KIR2DL3: variants seen among roughly 807,000 people sequenced by gnomAD.
KIR2DL3 encodes killer cell immunoglobulin-like receptor 2DL3.
Under a neutral mutation model 33.8 loss-of-function variants are expected in KIR2DL3, and 39 were observed. The ratio of observed to expected loss-of-function variants is 1.15; its 90% CI spans 0.89 to 1.51. The LOEUF (loss-of-function observed/expected upper bound fraction) is 1.51. KIR2DL3 is among the 40% of genes most tolerant of loss of function. KIR2DL3 has a pLI of 0.00. For missense variants in KIR2DL3, 462 were observed against 426.2 expected (o/e 1.08, Z -0.74); for synonymous variants, 174 against 160.2 (o/e 1.09, Z -0.65).
intron 3 of KIR2DL3, 139 bp from the exon 4 acceptor site, chr19:54,743,655 GA>G (rs1427304120): frequency 5.1e-6 from 5 of 982,856 alleles, no homozygotes; most frequent in Non-Finnish European, 7.3e-6. Context: ...AAATAGACAT[GA>G]AGAGAGATGG....
chr19:54,742,001 T>A lies in KIR2DL3; in HGVS notation c.92T>A (p.Leu31His), dbSNP rs746021602. The change falls in exon 3 of 8, where the codon CTC becomes CAC. Residue 31 changes from leucine to histidine, a missense_variant. Transcript: ENST00000342376. ...CTAGGAGTCCACAGAAAACCTTCCC[T>A]CCTGGCCCACCCAGGTCCCCTGGTG... ...PHEGVHRKPS[L>H]LAHPGPLVKS... The A allele has an allele frequency of 6.2e-7, 1 of 1,611,182 alleles. No homozygotes were observed. The highest frequency in any genetic ancestry group is 1.7e-5 in the Admixed American group (1 of 59,928).
chr19:54,744,944 ATATATATATATTTTTTTT>A (rs2072154781), intron 4 of KIR2DL3, among the ~76,000 whole-genome samples: 4 of 26,824 alleles, frequency 1.5e-4, no homozygotes, highest in South Asian at 1.4e-3. Context: ...ATATATATAT[ATATATATATATTTTTTTT>A]TTTTTTTTTT....
Position 54,746,783 on chromosome 19 carries a change from G to T in KIR2DL3, c.665-552G>T, listed in dbSNP as rs1310933903. Among the ~76,000 whole-genome samples the T allele has an allele frequency of 2.0e-5, 3 of 150,180 alleles. No homozygotes were observed. The East Asian group carries it at 5.8e-4, about 29-fold the overall frequency. On this transcript the variant is annotated intron_variant, in intron 4 of 7. Transcript: ENST00000342376. ...GGATCACCTGAGGCCAGGAGTTCAA[G>T]ATTAGTCTGGCCGACGTGATGAAAC...
chr19:54,744,954 A>ATATATT (rs1398407460), intron 4 of KIR2DL3, among the ~76,000 whole-genome samples: 22 of 31,256 alleles, frequency 7.0e-4, no homozygotes, highest in Non-Finnish European at 6.6e-4. Context: ...ATATATATAT[A>ATATATT]TTTTTTTTTT....
chr19:54,741,854 G>A (rs2071185104), intron 2 of KIR2DL3, 126 bp from the exon 3 acceptor site: 2 of 1,272,304 alleles, frequency 1.6e-6, no homozygotes, highest in Non-Finnish European at 2.2e-6. Flanking sequence ...GCACAGAAAA[G>A]AACATGAAGA....
rs141679961 is a variant in KIR2DL3 at position 54,750,202 on chromosome 19, A to G, written c.716-1447A>G. ...ATCCCCCACCTCACCCCTACTTCCA[A>G]TCACCTGTGGAGATTCAGATAGGCT... On this transcript the variant is annotated intron_variant, in intron 5 of 7. Transcript: ENST00000342376. Among the ~76,000 whole-genome samples the G allele has an allele frequency of 6.4e-3, 852 of 133,354 alleles. 167 individuals carry two copies. The highest frequency in any genetic ancestry group is 0.011 in the Non-Finnish European group (696 of 60,878). 87.5% of individuals were successfully genotyped at this position (133,354 alleles called of 152,430 possible). A position where few individuals can be genotyped will look rare whatever the true frequency, so the allele number is the denominator to read the frequency against.
chr19:54,752,682 C>G lies in KIR2DL3; in HGVS notation c.*163C>G. 1 of 1,053,030 alleles carries G rather than the reference C, an allele frequency of 9.5e-7. No homozygotes were observed. The highest frequency in any genetic ancestry group is 1.4e-6 in the Non-Finnish European group (1 of 716,688). 65.2% of individuals were successfully genotyped at this position (1,053,030 alleles called of 1,614,324 possible). A position where few individuals can be genotyped will look rare whatever the true frequency, so the allele number is the denominator to read the frequency against. ...CTTAGGGCATCGCTCTTCCTCACAC[C>G]ACAAATCTGAACGTGCCTCTCCCTT... On this transcript the variant is annotated 3_prime_UTR_variant, in exon 8 of 8. Coordinates refer to ENST00000342376, the MANE Select transcript of KIR2DL3 (RefSeq NM_015868.3).
chr19:54,744,921 CAT>C (rs1177112432), intron 4 of KIR2DL3, among the ~76,000 whole-genome samples: 1,043 of 25,184 alleles, frequency 0.041, 21 homozygotes, highest in Middle Eastern at 0.056. Context: ...CATATATAAA[CAT>C]ATATATATAT....
At position 54,742,385 on chromosome 19, in the gene KIR2DL3, G is replaced by A. The variant is rs1282818989; in HGVS notation, c.370+106G>A. ...GGAAGATGAGCTTGGTATTCTTATG[G>A]AGAGAGACTGACTTGCTGAGGTTTG... On this transcript the variant is annotated intron_variant, in intron 3 of 7. Transcript: ENST00000342376. The A allele has an allele frequency of 1.3e-5, 19 of 1,479,564 alleles. No individual in the cohort carries two copies. In the East Asian group the frequency reaches 2.7e-4, roughly 21 times the overall value. 91.7% of individuals were successfully genotyped at this position (1,479,564 alleles called of 1,614,324 possible).
chr19:54,742,357 T>C, intron 3 of KIR2DL3, 78 bp downstream of exon 3: 1 of 1,532,372 alleles, frequency 6.5e-7, no homozygotes, highest in Non-Finnish European at 9.0e-7. Context: ...CAGGTAGTTG[T>C]AAGGAAGATG....
At chr19:54,744,946 ATATATATATTTTTTTTTTTT>A (rs2072161703) in intron 4 of KIR2DL3, among the ~76,000 whole-genome samples, 2 of 26,196 alleles carry the variant, frequency 7.6e-5, no homozygotes, top group African/African-American at 2.7e-4. Flanking sequence ...ATATATATAT[ATATATATATTTTTTTTTTTT>A]TTTTTTTTTT....
intron 4 of KIR2DL3, among the ~76,000 whole-genome samples, chr19:54,744,950 ATATATTTTTTTTTTTTT>A (rs1305177478): frequency 9.3e-4 from 25 of 26,794 alleles, no homozygotes; most frequent in African/African-American, 3.1e-3. Flanking sequence ...ATATATATAT[ATATATTTTTTTTTTTTT>A]TTTTTTTTTT....
chr19:54,739,441 G>A (rs2070547508), intron 1 of KIR2DL3, 66 bp from the exon 2 acceptor site: 3 of 1,611,920 alleles, frequency 1.9e-6, no homozygotes, highest in African/African-American at 2.7e-5. Flanking sequence ...TCACAGCCCA[G>A]TGGGGGCAGC....
intron 2 of KIR2DL3, among the ~76,000 whole-genome samples, chr19:54,739,767 G>T (rs1176836839): frequency 2.0e-5 from 3 of 151,018 alleles, no homozygotes; most frequent in South Asian, 4.2e-4. Context: ...TGGGGTGTGT[G>T]GTTGGGAAGT....
chr19:54,741,714 G>A (rs1465609531), intron 2 of KIR2DL3, among the ~76,000 whole-genome samples: 3 of 151,422 alleles, frequency 2.0e-5, no homozygotes, highest in Admixed American at 1.3e-4. Flanking sequence ...AAATACATTA[G>A]TGTGAAATAG....
chr19:54,746,878 A>T (rs1481178351), intron 4 of KIR2DL3, among the ~76,000 whole-genome samples: 12 of 148,006 alleles, frequency 8.1e-5, no homozygotes, highest in East Asian at 1.9e-4. Context: ...ACTACTCAGG[A>T]GTTTGAGGCC....
At chr19:54,742,337 T>C in intron 3 of KIR2DL3, 58 bp downstream of exon 3, 1 of 1,593,842 alleles carries the variant, frequency 6.3e-7, no homozygotes, top group East Asian at 2.2e-5. Flanking sequence ...GATCCACGAC[T>C]TGGAACCCCC....
At chr19:54,749,102 T>C (rs2147154713) in intron 5 of KIR2DL3, among the ~76,000 whole-genome samples, 1 of 151,986 alleles carries the variant, frequency 6.6e-6, no homozygotes, top group Non-Finnish European at 1.5e-5. Flanking sequence ...GTGAAAACAA[T>C]CTGATGTGGA....
chr19:54,752,793 C>A lies in KIR2DL3; in HGVS notation c.*274C>A. 3.7e-6 allele frequency: 2 copies of A among 537,934 alleles called. No individual in the cohort carries two copies. Among genetic ancestry groups the A allele is most frequent in the South Asian group, 2.2e-5 (1 of 45,258 alleles). The allele number at this position is 537,934 out of a possible 1,614,324, so 33.3% of individuals were successfully genotyped here. A position where few individuals can be genotyped will look rare whatever the true frequency, so the allele number is the denominator to read the frequency against. On this transcript the variant is annotated 3_prime_UTR_variant, in exon 8 of 8. Transcript: ENST00000342376. Reference sequence around the variant, plus strand: ...CCCACAATTCTCCATTTCACTTGACCCCTGCCCACCTCTCCAACCTAACTG... The same window carrying A: ...CCCACAATTCTCCATTTCACTTGACACCTGCCCACCTCTCCAACCTAACTG...
Sources: gnomAD v4.1 joint callset for allele counts (sites outside exome capture counted in the v4.1 genomes callset) on GRCh38, gnomAD v4.1.1 for gene constraint, MANE v1.5 for transcripts, NCBI Gene and HGNC (gene_info 2026-07-23, HGNC 2026-07-21) for gene names.